Variants in PCBD1 observed in about 807,000 individuals in gnomAD.
PCBD1 encodes the protein pterin-4 alpha-carbinolamine dehydratase 1.
Under a neutral mutation model 12.6 loss-of-function variants are expected in PCBD1, and 16 were observed. That is an observed-to-expected ratio of 1.27 (90% CI 0.86 to 1.93). The LOEUF is 1.93. PCBD1 is among the 30% of genes most tolerant of loss of function. The pLI is 0.00. For missense variants in PCBD1, 86 were observed against 130.1 expected (o/e 0.66, Z 1.65); for synonymous variants, 53 against 50.2 (o/e 1.05, Z -0.23).
chr10:70,883,614 C>T lies in PCBD1; in HGVS notation c.*336G>A. ...TTCTAAGACAAGACTTTATTTCACC[C>T]TGTATCACAGCTTCCTGGGAAATGA... On this transcript the variant is annotated 3_prime_UTR_variant, in exon 4 of 4. Transcript: ENST00000299299. 3.3e-6 allele frequency: 4 copies of T among 1,218,058 alleles called. No individual in the cohort carries two copies. Among genetic ancestry groups the T allele is most frequent in the Non-Finnish European group, 4.2e-6 (4 of 963,190 alleles). 75.5% of individuals were successfully genotyped at this position (1,218,058 alleles called of 1,614,324 possible). A position where few individuals can be genotyped will look rare whatever the true frequency, so the allele number is the denominator to read the frequency against.
At chr10:70,886,025 C>A (rs1436812149) in intron 1 of PCBD1, 96 bp from the exon 2 acceptor site, 1 of 1,496,250 alleles carries the variant, frequency 6.7e-7, no homozygotes, top group Non-Finnish European at 9.1e-7. Context: ...CTTCCACTGG[C>A]TGCTTTGGAC....
At chr10:70,885,574 G>C (rs1846568779) in intron 2 of PCBD1, among the ~76,000 whole-genome samples, 1 of 152,232 alleles carries the variant, frequency 6.6e-6, no homozygotes. Context: ...GTTCCAGGAA[G>C]GGAGAGCCCA....
intron 1 of PCBD1, among the ~76,000 whole-genome samples, chr10:70,887,500 G>T (rs1306636761): frequency 2.6e-5 from 4 of 152,122 alleles, no homozygotes; most frequent in East Asian, 1.9e-4. Context: ...CCTGGTCCGT[G>T]TATCTAGACA....
downstream of PCBD1, among the ~76,000 whole-genome samples, chr10:70,883,023 TTC>T (rs1589483359): frequency 6.6e-6 from 1 of 152,224 alleles, no homozygotes; most frequent in East Asian, 1.9e-4. Context: ...ATTAGGGATG[TTC>T]AACCTGTAAT....
intron 1 of PCBD1, chr10:70,888,313 A>C: frequency 4.7e-6 from 2 of 428,024 alleles, no homozygotes; most frequent in South Asian, 4.4e-5. Flanking sequence ...CTGGCCTCCC[A>C]ACTGGGTGGG....
intron 2 of PCBD1, 24 bp downstream of exon 2, chr10:70,885,774 C>T (rs1274309480): frequency 1.9e-6 from 3 of 1,613,636 alleles, no homozygotes; most frequent in Non-Finnish European, 2.5e-6. Context: ...TCTCAGAAAA[C>T]TCTGTCCCAC....
chr10:70,885,501 C>A (rs1418642628), intron 2 of PCBD1, among the ~76,000 whole-genome samples: 6 of 152,222 alleles, frequency 3.9e-5, no homozygotes, highest in Admixed American at 3.9e-4. Flanking sequence ...GCCGTCTGTT[C>A]AAATGTCTTC....
intron 1 of PCBD1, 106 bp downstream of exon 1, chr10:70,888,425 C>T: frequency 1.5e-6 from 2 of 1,320,608 alleles, no homozygotes; most frequent in African/African-American, 1.6e-5. Flanking sequence ...CCGGCGGCTC[C>T]GCAGGGGACT....
chr10:70,884,973 C>A (rs1846558995), intron 3 of PCBD1, among the ~76,000 whole-genome samples, 179 bp downstream of exon 3: 1 of 150,702 alleles, frequency 6.6e-6, no homozygotes, highest in Non-Finnish European at 1.5e-5. Flanking sequence ...TTTTTTTTTC[C>A]CAGGGGTATT....
chr10:70,888,489 G>T, intron 1 of PCBD1, 42 bp downstream of exon 1: 1 of 1,456,020 alleles, frequency 6.9e-7, no homozygotes, highest in Non-Finnish European at 9.0e-7. Flanking sequence ...CGGCTGCCCC[G>T]GCCCCGCTGC....
rs77545394 is a variant in PCBD1 at position 70,885,494 on chromosome 10, G to A, written c.136-262C>T. On this transcript the variant is annotated intron_variant, in intron 2 of 3. Transcript: ENST00000299299. ...GCTTTTGGCCTGGCCAGTCTTGGCC[G>A]TCTGTTCAAATGTCTTCAGATGTGC... is the stretch of plus-strand genomic sequence containing the variant. 0.047 allele frequency among the ~76,000 whole-genome samples: 7,194 copies of A among 152,340 alleles called. 223 individuals carry two copies. The highest frequency in any genetic ancestry group is 0.063 in the Non-Finnish European group (4,281 of 68,036).
chr10:70,888,223 G>C, intron 1 of PCBD1: 1 of 310,036 alleles, frequency 3.2e-6, no homozygotes, highest in Non-Finnish European at 5.9e-6. Flanking sequence ...CTCCACGACT[G>C]TCTTCCCCGG....
chr10:70,885,891 G>T lies in PCBD1; in HGVS notation c.42C>A (p.Asp14Glu). 6.2e-7 allele frequency: 1 copy of T among 1,614,048 alleles called. No individual in the cohort carries two copies. The highest frequency in any genetic ancestry group is 2.2e-5 in the East Asian group (1 of 44,880). The change falls in exon 2 of 4, where the codon GAC becomes GAA. Residue 14 changes from aspartate (D) to glutamate (E), a missense_variant. Transcript: ENST00000299299. ...KAHRLSAEERDQLLPNLRAVG... is the reference protein window; with the variant it reads ...KAHRLSAEEREQLLPNLRAVG... ...CAGCCCTCAGGTTTGGCAGCAGCTG[G>T]TCCCTCTCCTCAGCGCTCAGCCTGT...
chr10:70,884,106 C>A, intron 3 of PCBD1, 58 bp from the exon 4 acceptor site: 1 of 1,570,490 alleles, frequency 6.4e-7, no homozygotes, highest in South Asian at 1.1e-5. Flanking sequence ...AGGAGGGAGT[C>A]ACTAGCTGCT....
chr10:70,886,254 C>T (rs929425832), intron 1 of PCBD1, among the ~76,000 whole-genome samples: 2 of 152,186 alleles, frequency 1.3e-5, no homozygotes, highest in African/African-American at 2.4e-5. Context: ...CAAAGCCTTA[C>T]GGACCTTCCC....
rs201389778 is a variant in PCBD1, at chr10:70,885,935, A to G, written c.4-6T>C. ...AGCCTGTGTGCTTTGCCAGCCTAGA[A>G]GAGGGAAAAAAACAGAGGCCCAAGG... On this transcript the variant is annotated splice_polypyrimidine_tract_variant and splice_region_variant and intron_variant, in intron 1 of 3. Coordinates refer to ENST00000299299, the MANE Select transcript of PCBD1 (RefSeq NM_000281.4). The G allele has an allele frequency of 3.3e-5, 53 of 1,613,534 alleles. No homozygotes were observed. The highest frequency in any genetic ancestry group is 4.2e-5 in the Non-Finnish European group (49 of 1,179,880).
intron 1 of PCBD1, among the ~76,000 whole-genome samples, chr10:70,886,930 G>C (rs1195297150): frequency 6.6e-6 from 1 of 152,178 alleles, no homozygotes; most frequent in Non-Finnish European, 1.5e-5. Flanking sequence ...CCAGAACCTA[G>C]GCTTCTAGAG....
At chr10:70,888,393 G>T in intron 1 of PCBD1, 138 bp downstream of exon 1, 4 of 980,310 alleles carry the variant, frequency 4.1e-6, no homozygotes, top group Non-Finnish European at 5.5e-6. Flanking sequence ...AGAGAGCCGG[G>T]CAGAGACCCC....
At chr10:70,885,120 A>G (rs1277199327) in intron 3 of PCBD1, 32 bp downstream of exon 3, 1 of 1,568,558 alleles carries the variant, frequency 6.4e-7, no homozygotes, top group South Asian at 1.1e-5. Context: ...GGATGGGGGC[A>G]GAGCACAACA....
Sources: gnomAD v4.1 joint callset for allele counts (sites outside exome capture counted in the v4.1 genomes callset) on GRCh38, gnomAD v4.1.1 for gene constraint, MANE v1.5 for transcripts, NCBI Gene and HGNC (gene_info 2026-07-23, HGNC 2026-07-21) for gene names.